The following ACACA variants were observed in gnomAD, a reference collection of about 807,000 sequenced individuals.
The protein encoded by ACACA is acetyl-CoA carboxylase alpha.
ACACA carries 103 observed loss-of-function variants against 296.1 expected under a neutral mutation model. That is an observed-to-expected ratio of 0.35 (90% CI 0.30 to 0.41). The LOEUF is 0.41. ACACA is among the 10% of genes least tolerant of loss of function. The pLI, the probability that ACACA is intolerant of heterozygous loss-of-function variation, is 1.00. For missense variants in ACACA, 1,554 were observed against 2,989.7 expected, an observed-to-expected ratio of 0.52 and a Z score of 11.20; for synonymous variants, 953 against 1,038.6, an observed-to-expected ratio of 0.92 and a Z score of 1.58.
At chr17:37,223,417 G>T (rs2079386318) in intron 28 of ACACA, 95 bp downstream of exon 28, 1 of 998,272 alleles carries the variant, frequency 1.0e-6, no homozygotes. Flanking sequence ...CAACCTTAAG[G>T]CCAGAGAACT....
Position 37,375,794 on chromosome 17 carries a change from G to A in ACACA, c.38+30468C>T, listed in dbSNP as rs570809486. Among the ~76,000 whole-genome samples the A allele has an allele frequency of 2.0e-4, 30 of 152,284 alleles. No homozygotes were observed. The East Asian group carries it at 2.5e-3, about 13-fold the overall frequency. On this transcript the variant is annotated intron_variant, in intron 1 of 55. Transcript: ENST00000616317. ...AAGTATTTGTAAAGCATATCAATGG[G>A]CGTTTATGGCCTTCCTGCTCGAGAA...
intron 1 of ACACA, among the ~76,000 whole-genome samples, chr17:37,372,724 T>G (rs1301705440): frequency 6.6e-6 from 1 of 152,116 alleles, no homozygotes; most frequent in Non-Finnish European, 1.5e-5. Flanking sequence ...CCTGCTAAAT[T>G]TGATGTTTTT....
At chr17:37,274,528 G>C in intron 8 of ACACA, 2 of 825,640 alleles carry the variant, frequency 2.4e-6, no homozygotes, top group Non-Finnish European at 2.9e-6. Flanking sequence ...GAACTAACAG[G>C]GAGCAACTTA....
At chr17:37,281,095 T>C (rs1442434710) in intron 5 of ACACA, among the ~76,000 whole-genome samples, 1 of 151,356 alleles carries the variant, frequency 6.6e-6, no homozygotes, top group African/African-American at 2.4e-5. Context: ...GAGTCTCGCT[T>C]TGTGGCCCAG....
chr17:37,373,652 T>C (rs551957648), intron 1 of ACACA, among the ~76,000 whole-genome samples: 1 of 152,292 alleles, frequency 6.6e-6, no homozygotes, highest in African/African-American at 2.4e-5. Context: ...AGGTCTCTTT[T>C]GGGAAAAGTG....
chr17:37,198,155 T>C (rs2078087860), intron 35 of ACACA, among the ~76,000 whole-genome samples: 1 of 152,196 alleles, frequency 6.6e-6, no homozygotes, highest in Admixed American at 6.5e-5. Flanking sequence ...GATTCAGAGA[T>C]AAGAAAGGGT....
intron 52 of ACACA, among the ~76,000 whole-genome samples, chr17:37,103,923 T>C (rs2073515837): frequency 6.6e-6 from 1 of 152,116 alleles, no homozygotes; most frequent in African/African-American, 2.4e-5. Context: ...GTGCCTGTAG[T>C]CCCAGAGATA....
intron 3 of ACACA, among the ~76,000 whole-genome samples, chr17:37,327,623 A>G (rs1209580282): frequency 6.6e-6 from 1 of 152,208 alleles, no homozygotes; most frequent in Non-Finnish European, 1.5e-5. Context: ...TCACTAGCTG[A>G]GTTTCTTATA....
chr17:37,173,702 T>G (rs533671143), intron 41 of ACACA, among the ~76,000 whole-genome samples: 92 of 151,866 alleles, frequency 6.1e-4, no homozygotes, highest in Admixed American at 3.0e-3. Context: ...TAAATATGGG[T>G]ATTAGTTGGG....
chr17:37,277,408 C>T (rs752864894), intron 6 of ACACA, among the ~76,000 whole-genome samples: 1 of 152,194 alleles, frequency 6.6e-6, no homozygotes, highest in Non-Finnish European at 1.5e-5. Context: ...CTGTAAAGGG[C>T]GTTTTCTAGA....
At chr17:37,250,407 A>G (rs1330609343) in intron 16 of ACACA, among the ~76,000 whole-genome samples, 1 of 152,190 alleles carries the variant, frequency 6.6e-6, no homozygotes, top group African/African-American at 2.4e-5. Context: ...TGGGAGGCCA[A>G]AGCAGGCAGA....
intron 1 of ACACA, among the ~76,000 whole-genome samples, chr17:37,346,316 C>CAAA (rs35348805): frequency 5.1e-4 from 59 of 115,890 alleles, no homozygotes; most frequent in Admixed American, 3.4e-3. Context: ...GACTCTCTCT[C>CAAA]AAAAAAAAAA....
intron 50 of ACACA, among the ~76,000 whole-genome samples, chr17:37,114,833 A>G (rs989208578): frequency 2.6e-5 from 4 of 152,252 alleles, no homozygotes; most frequent in African/African-American, 9.6e-5. Context: ...GAGGATCTCA[A>G]TTTGGAATAA....
chr17:37,295,306 T>G (rs942056967), intron 3 of ACACA, among the ~76,000 whole-genome samples: 1 of 152,080 alleles, frequency 6.6e-6, no homozygotes, highest in East Asian at 1.9e-4. Context: ...GAGATTCCCC[T>G]GTATGGAGCA....
chr17:37,131,677 C>T (rs979825505), intron 45 of ACACA, among the ~76,000 whole-genome samples: 6 of 152,158 alleles, frequency 3.9e-5, no homozygotes, highest in Non-Finnish European at 8.8e-5. Flanking sequence ...GCACCCCCAT[C>T]GGGACCTTCC....
rs1316214050 is a variant in ACACA, at chr17:37,244,578, T to C, written c.2742+10A>G. 1.2e-6 allele frequency: 2 copies of C among 1,613,974 alleles called. No individual in the cohort carries two copies. Among genetic ancestry groups the C allele is most frequent in the East Asian group, 4.5e-5 (2 of 44,880 alleles). The stretch of plus-strand genomic sequence containing the variant: ...TTGTACATCCCTTCCCCAGGAGACG[T>C]GATACATACCTTGCTGCTAAAGAAA... On this transcript the variant is annotated intron_variant, in intron 21 of 55. Coordinates refer to ENST00000616317, the MANE Select transcript of ACACA (RefSeq NM_198834.3).
chr17:37,282,362 C>T (rs2082578544), intron 5 of ACACA, among the ~76,000 whole-genome samples: 1 of 152,154 alleles, frequency 6.6e-6, no homozygotes, highest in Admixed American at 6.6e-5. Flanking sequence ...CCTGTAAAGC[C>T]TGTAGAATTG....
At chr17:37,122,679 A>T in intron 48 of ACACA, 52 bp from the exon 49 acceptor site, 6 of 1,484,086 alleles carry the variant, frequency 4.0e-6, no homozygotes, top group Non-Finnish European at 4.7e-6. Context: ...CATTATAGCT[A>T]GCCATTTGTT....
At chr17:37,394,604 C>T (rs1447182666) in intron 1 of ACACA, among the ~76,000 whole-genome samples, 3 of 149,656 alleles carry the variant, frequency 2.0e-5, no homozygotes, top group Admixed American at 1.3e-4. Flanking sequence ...CGGCCGGGCG[C>T]GGTGGCTCAC....
Sources: allele counts gnomAD v4.1 joint callset (sites outside exome capture counted in the v4.1 genomes callset), GRCh38; gene constraint gnomAD v4.1.1; transcripts MANE v1.5; gene names NCBI Gene and HGNC (gene_info 2026-07-23, HGNC 2026-07-21).